Variants in KIRREL3 observed in about 807,000 individuals in gnomAD.
KIRREL3 encodes kirre like nephrin family adhesion molecule 3.
Under a neutral mutation model 89.7 loss-of-function variants are expected in KIRREL3, and 36 were observed. The observed-to-expected ratio is 0.40, with a 90% CI of 0.31 to 0.53. KIRREL3 has a LOEUF of 0.53. Among genes scored for constraint, KIRREL3 ranks in the 20% least tolerant of loss-of-function variants. KIRREL3 has a pLI of 0.49. For synonymous variants in KIRREL3, 445 were observed against 441.4 expected (o/e 1.01, Z -0.10); for missense variants, 864 against 1,056.6 (o/e 0.82, Z 2.53).
At chr11:126,753,104 G>A (rs1044536187) in intron 1 of KIRREL3, among the ~76,000 whole-genome samples, 2 of 152,160 alleles carry the variant, frequency 1.3e-5, no homozygotes, top group African/African-American at 4.8e-5. Context: ...ATGAACTCGA[G>A]GACCAGCACT....
At chr11:126,559,875 G>A (rs907491955) in intron 2 of KIRREL3, among the ~76,000 whole-genome samples, 2 of 151,988 alleles carry the variant, frequency 1.3e-5, no homozygotes, top group African/African-American at 2.4e-5. Flanking sequence ...TAGAGACAGG[G>A]TTTCACCATG....
rs1592088231 is a variant in KIRREL3, at chr11:126,761,857, G to A, written c.56-198945C>T. On this transcript the variant is annotated intron_variant, in intron 1 of 16. Coordinates refer to ENST00000525144, the MANE Select transcript of KIRREL3 (RefSeq NM_032531.4). This position sits in a 1 kb window ranked among gnomAD's most constrained non-coding sequence, Gnocchi z 4.4. ...CTCCCCGCTTTCAATCTCATTTTCT[G>A]ATATCTAGTTGTGAATTTCCTATAA... is the stretch of plus-strand genomic sequence containing the variant. Among the ~76,000 whole-genome samples the A allele has an allele frequency of 1.3e-5, 2 of 152,250 alleles. No individual in the cohort carries two copies. Among genetic ancestry groups the A allele is most frequent in the East Asian group, 3.9e-4 (2 of 5,166 alleles).
chr11:126,468,743 C>T (rs1444165362), intron 5 of KIRREL3, among the ~76,000 whole-genome samples: 3 of 152,244 alleles, frequency 2.0e-5, no homozygotes, highest in Non-Finnish European at 4.4e-5. Flanking sequence ...AGTCCTTACT[C>T]CTGCCCTTGA....
At position 126,535,592 on chromosome 11, in the gene KIRREL3, T is replaced by C. The variant is rs1346356398; in HGVS notation, c.134-8905A>G. On this transcript the variant is annotated intron_variant, in intron 2 of 16. Transcript: ENST00000525144. This position sits in a 1 kb window ranked among gnomAD's most constrained non-coding sequence, Gnocchi z 4.5. ...TGGGTCGGGTGTGTGTGTGTGTGTG[T>C]GCACGTGGGTGTGTTTGTCAGATTA... Among the ~76,000 whole-genome samples, 2 of 151,846 alleles carry C rather than the reference T, an allele frequency of 1.3e-5. No homozygotes were observed. Among genetic ancestry groups the C allele is most frequent in the Non-Finnish European group, 2.9e-5 (2 of 67,972 alleles).
rs1329322496 is a variant in KIRREL3, at chr11:126,578,054, G to C, written c.56-15142C>G. ...TTTTTGGAGAGTTTAAATAATTTTA[G>C]AGTTCTTCTATGTTGAGCTTAAATA... is the stretch of plus-strand genomic sequence containing the variant. On this transcript the variant is annotated intron_variant, in intron 1 of 16. Coordinates refer to ENST00000525144, the MANE Select transcript of KIRREL3 (RefSeq NM_032531.4). The surrounding 1 kb of genome is among the most constrained non-coding windows in gnomAD (Gnocchi z 4.9). 6.6e-6 allele frequency among the ~76,000 whole-genome samples: 1 copy of C among 152,118 alleles called. No homozygotes were observed. The highest frequency in any genetic ancestry group is 1.5e-5 in the Non-Finnish European group (1 of 68,012).
At chr11:126,800,015 G>GA (rs1343525355) in intron 1 of KIRREL3, among the ~76,000 whole-genome samples, 5 of 152,118 alleles carry the variant, frequency 3.3e-5, no homozygotes, top group Non-Finnish European at 7.3e-5. Context: ...TCTGTGGGTG[G>GA]GGCTCTGAGC....
intron 1 of KIRREL3, among the ~76,000 whole-genome samples, chr11:126,986,206 T>C (rs1949862421): frequency 6.6e-6 from 1 of 152,132 alleles, no homozygotes; most frequent in Non-Finnish European, 1.5e-5. Flanking sequence ...TGGTTTCCCA[T>C]TGGTGAGTTG....
At position 126,990,120 on chromosome 11, in the gene KIRREL3, G is replaced by A. The variant is rs1949984558; in HGVS notation, c.55+10335C>T. 6.6e-6 allele frequency among the ~76,000 whole-genome samples: 1 copy of A among 152,096 alleles called. No homozygotes were observed. Among genetic ancestry groups the A allele is most frequent in the South Asian group, 2.1e-4 (1 of 4,828 alleles). On this transcript the variant is annotated intron_variant, in intron 1 of 16. Transcript: ENST00000525144. This position sits in a 1 kb window ranked among gnomAD's most constrained non-coding sequence, Gnocchi z 6.3. ...CTGGAGGCGGCTCTAGGGAGAGGTAGGGGCTCTGGGCTGGCGGTCCCCCTG... is the reference window on the plus strand; with the variant it reads ...CTGGAGGCGGCTCTAGGGAGAGGTAAGGGCTCTGGGCTGGCGGTCCCCCTG...
chr11:126,775,707 T>C (rs964257245), intron 1 of KIRREL3, among the ~76,000 whole-genome samples: 2 of 152,196 alleles, frequency 1.3e-5, no homozygotes, highest in African/African-American at 4.8e-5. Flanking sequence ...AATTATCTTA[T>C]GTATGTGCTC....
In KIRREL3 at chr11:126,454,890, A is replaced by G. The variant is rs964342461; in HGVS notation, c.848+1459T>C. On this transcript the variant is annotated intron_variant, in intron 7 of 16. Transcript: ENST00000525144. This position sits in a 1 kb window ranked among gnomAD's most constrained non-coding sequence, Gnocchi z 5.8. ...AATGGGTTTCATCCTATTTAAAAAT[A>G]TCCTTGGGGATAGGAACTCTGGGCT... Among the ~76,000 whole-genome samples the G allele has an allele frequency of 1.6e-4, 25 of 152,322 alleles. No individual in the cohort carries two copies. The highest frequency in any genetic ancestry group is 4.6e-4 in the Admixed American group (7 of 15,306).
At chr11:126,494,103 C>T (rs1219624786) in intron 4 of KIRREL3, among the ~76,000 whole-genome samples, 1 of 152,066 alleles carries the variant, frequency 6.6e-6, no homozygotes, top group African/African-American at 2.4e-5. Flanking sequence ...TAAGTAAAGA[C>T]AGGATTAGGG....
intron 1 of KIRREL3, among the ~76,000 whole-genome samples, chr11:126,856,423 G>A (rs182804956): frequency 7.9e-4 from 120 of 151,948 alleles, no homozygotes; most frequent in Admixed American, 2.2e-3. Flanking sequence ...ATGATTTAAC[G>A]TAAATGTAAC....
In KIRREL3 at chr11:126,441,468, G is replaced by A. The variant is rs1374364726; in HGVS notation, c.1253-919C>T. Among the ~76,000 whole-genome samples the A allele has an allele frequency of 1.3e-5, 2 of 152,226 alleles. No individual in the cohort carries two copies. The highest frequency in any genetic ancestry group is 2.9e-5 in the Non-Finnish European group (2 of 68,038). On this transcript the variant is annotated intron_variant, in intron 10 of 16. Coordinates refer to ENST00000525144, the MANE Select transcript of KIRREL3 (RefSeq NM_032531.4). This position sits in a 1 kb window ranked among gnomAD's most constrained non-coding sequence, Gnocchi z 5.0. ...GACAAAAGAAGGAGCAGCTAGCTTA[G>A]CCTGGGCTCTGCTGGCTTCCTGGCT...
intron 1 of KIRREL3, among the ~76,000 whole-genome samples, chr11:126,923,692 C>A (rs1319249817): frequency 6.6e-6 from 1 of 152,098 alleles, no homozygotes; most frequent in African/African-American, 2.4e-5. Flanking sequence ...AATCCACCCA[C>A]CTCGGCCTCC....
At chr11:126,572,706 G>A (rs1000428604) in intron 1 of KIRREL3, among the ~76,000 whole-genome samples, 1 of 152,184 alleles carries the variant, frequency 6.6e-6, no homozygotes, top group Non-Finnish European at 1.5e-5. Flanking sequence ...AGGCAGGGAG[G>A]TGGGGTGAGG....
At chr11:126,913,230 C>A (rs1946897828) in intron 1 of KIRREL3, among the ~76,000 whole-genome samples, 1 of 152,216 alleles carries the variant, frequency 6.6e-6, no homozygotes, top group South Asian at 2.1e-4. Context: ...TTGGGGAAGG[C>A]AGTCACTCCT....
chr11:126,589,973 T>C (rs1942060326), intron 1 of KIRREL3, among the ~76,000 whole-genome samples: 1 of 152,302 alleles, frequency 6.6e-6, no homozygotes. Flanking sequence ...TCCCTCTGAA[T>C]ACCAGCCAGG....
chr11:126,588,966 G>A (rs1942005119), intron 1 of KIRREL3, among the ~76,000 whole-genome samples: 2 of 152,162 alleles, frequency 1.3e-5, no homozygotes, highest in Non-Finnish European at 2.9e-5. Context: ...AGAGAGAACA[G>A]CAATTTGGGC....
At position 126,656,210 on chromosome 11, in the gene KIRREL3, G is replaced by T. The variant is rs573799474; in HGVS notation, c.56-93298C>A. On this transcript the variant is annotated intron_variant, in intron 1 of 16. Transcript: ENST00000525144. This position sits in a 1 kb window ranked among gnomAD's most constrained non-coding sequence, Gnocchi z 4.0. The stretch of plus-strand genomic sequence containing the variant: ...GGGAGGGCTACAGAGTTAGGACTCC[G>T]AAGTCAGAAAGATGCCTGTTGGTTC... 21 of 455,704 alleles carry T rather than the reference G, an allele frequency of 4.6e-5. No homozygotes were observed. Among genetic ancestry groups the T allele is most frequent in the Admixed American group, 4.0e-4 (17 of 42,536 alleles). 28.2% of individuals were successfully genotyped at this position (455,704 alleles called of 1,614,324 possible). A position where few individuals can be genotyped will look rare whatever the true frequency, so the allele number is the denominator to read the frequency against.
Sources: allele counts gnomAD v4.1 joint callset (sites outside exome capture counted in the v4.1 genomes callset), GRCh38; gene constraint gnomAD v4.1.1; non-coding constraint Gnocchi (gnomAD v3.1); transcripts MANE v1.5; gene names NCBI Gene and HGNC (gene_info 2026-07-23, HGNC 2026-07-21).